The following UBE2S variants were observed in gnomAD, a reference collection of about 807,000 sequenced individuals.
UBE2S encodes the protein ubiquitin conjugating enzyme E2 S, also known as ubiquitin-conjugating enzyme E2 S.
A neutral mutation model predicts 12.3 loss-of-function variants in UBE2S; 3 were observed. The observed-to-expected ratio is 0.24, with a 90% CI of 0.11 to 0.63. The LOEUF (loss-of-function observed/expected upper bound fraction) is 0.63, where lower values mean the gene tolerates loss of function less well. UBE2S is among the 30% of genes least tolerant of loss of function. The pLI is 0.85. For missense variants in UBE2S, 211 were observed against 313.9 expected, an observed-to-expected ratio of 0.67 and a Z score of 2.48; for synonymous variants, 133 against 142.0, an observed-to-expected ratio of 0.94 and a Z score of 0.45.
chr19:55,407,536 C>T (rs760061870), intron 1 of UBE2S, 51 bp downstream of exon 1: 1 of 1,523,754 alleles, frequency 6.6e-7, no homozygotes, highest in East Asian at 2.8e-5. Flanking sequence ...TCCACCTCCT[C>T]CCTCAGGGAC....
In UBE2S at chr19:55,401,504, C is replaced by T; in HGVS notation, c.601G>A (p.Gly201Ser). ...GCCGCCAGCTTCTTATCGCGCTCGC[C>T]AGCATGCTTCTTGGCCATGGGACCC... ...AEGPMAKKHA[G>S]ERDKKLAAKK... Residue 201 changes from glycine to serine, a missense_variant, in exon 4 of 4, where the codon GGC (glycine) becomes AGC (serine). By Grantham distance (56) the Gly-to-Ser change is moderately conservative. Coordinates refer to ENST00000264552, the MANE Select transcript of UBE2S (RefSeq NM_014501.3). The T allele has an allele frequency of 6.2e-7, 1 of 1,610,034 alleles. No homozygotes were observed. The highest frequency in any genetic ancestry group is 8.5e-7 in the Non-Finnish European group (1 of 1,179,730).
At position 55,401,328 on chromosome 19, in the gene UBE2S, C is replaced by T. The variant is rs1245955746; in HGVS notation, c.*108G>A. Reference sequence around the variant, plus strand: ...GAAAAACAAATCCAGGTCCCAGTGCCCCCTGTACCCTCCCCGACCCCAGCC... The same window carrying T: ...GAAAAACAAATCCAGGTCCCAGTGCTCCCTGTACCCTCCCCGACCCCAGCC... On this transcript the variant is annotated 3_prime_UTR_variant, in exon 4 of 4. Transcript: ENST00000264552. 10 of 970,492 alleles carry T rather than the reference C, an allele frequency of 1.0e-5. No individual in the cohort carries two copies. The highest frequency in any genetic ancestry group is 1.5e-5 in the Non-Finnish European group (10 of 668,242). 60.1% of individuals were successfully genotyped at this position (970,492 alleles called of 1,614,324 possible). A position where few individuals can be genotyped will look rare whatever the true frequency, so the allele number is the denominator to read the frequency against.
chr19:55,403,041 C>A, intron 3 of UBE2S: 1 of 1,463,876 alleles, frequency 6.8e-7, no homozygotes, highest in Non-Finnish European at 9.3e-7. Context: ...CCAGGTCATT[C>A]TGTGTCATGG....
At position 55,404,142 on chromosome 19, in the gene UBE2S, G is replaced by T; in HGVS notation, c.342+146C>A. 9.1e-7 allele frequency: 1 copy of T among 1,097,900 alleles called. No individual in the cohort carries two copies. The highest frequency in any genetic ancestry group is 1.3e-6 in the Non-Finnish European group (1 of 768,016). 68.0% of individuals were successfully genotyped at this position (1,097,900 alleles called of 1,614,324 possible). A position where few individuals can be genotyped will look rare whatever the true frequency, so the allele number is the denominator to read the frequency against. On this transcript the variant is annotated intron_variant, in intron 3 of 3. Coordinates refer to ENST00000264552, the MANE Select transcript of UBE2S (RefSeq NM_014501.3). This position sits in a 1 kb window ranked among gnomAD's most constrained non-coding sequence, Gnocchi z 4.4. ...GGGTCTGGCACTGTTTGTCTTTCCAGGAAAGCTAGCAACATGGATTTTTAT... is the reference window on the plus strand; with the variant it reads ...GGGTCTGGCACTGTTTGTCTTTCCATGAAAGCTAGCAACATGGATTTTTAT...
intron 3 of UBE2S, chr19:55,403,357 T>C: frequency 6.2e-6 from 3 of 487,370 alleles, no homozygotes; most frequent in Non-Finnish European, 1.1e-5. Context: ...GGTATGGTGG[T>C]GCATGCGTGT....
At chr19:55,402,758 C>T (rs969273947) in intron 3 of UBE2S, among the ~76,000 whole-genome samples, 13 of 152,248 alleles carry the variant, frequency 8.5e-5, no homozygotes, top group Non-Finnish European at 1.3e-4. Flanking sequence ...GCCAATGTCC[C>T]CAGCAGCCTC....
At chr19:55,407,446 C>T in intron 1 of UBE2S, 141 bp downstream of exon 1, 2 of 928,298 alleles carry the variant, frequency 2.2e-6, no homozygotes, top group Non-Finnish European at 1.5e-6. Flanking sequence ...TGCGGGAAGG[C>T]CCTCGGGCCC....
intron 2 of UBE2S, among the ~76,000 whole-genome samples, chr19:55,405,196 G>A (rs1463588327): frequency 8.0e-6 from 1 of 124,720 alleles, no homozygotes; most frequent in Non-Finnish European, 1.6e-5. Context: ...GGCAACAAGA[G>A]CGAAACTCTG....
In UBE2S at chr19:55,407,754, C is replaced by A. The variant is rs1032453318; in HGVS notation, c.-165G>T. 3.7e-5 allele frequency: 16 copies of A among 434,218 alleles called. No individual in the cohort carries two copies. The highest frequency in any genetic ancestry group is 1.7e-4 in the African/African-American group (8 of 48,476). 26.9% of individuals were successfully genotyped at this position (434,218 alleles called of 1,614,324 possible). ...GACGTCCGCCGCGCACAGCGTAGACCAACCCGCCGCCCCGGTGCCCGGCAG... is the reference window on the plus strand; with the variant it reads ...GACGTCCGCCGCGCACAGCGTAGACAAACCCGCCGCCCCGGTGCCCGGCAG... On this transcript the variant is annotated 5_prime_UTR_variant, in exon 1 of 4. Coordinates refer to ENST00000264552, the MANE Select transcript of UBE2S (RefSeq NM_014501.3).
chr19:55,399,805 C>G lies in UBE2S; in HGVS notation c.*1631G>C, dbSNP rs570607995. On this transcript the variant is annotated 3_prime_UTR_variant, in exon 4 of 4. Coordinates refer to ENST00000264552, the MANE Select transcript of UBE2S (RefSeq NM_014501.3). ...AAATTATTTCAGTGGGTTCCGAGGCCCAGGATGCAGGCACCTTCCTTCAGC... is the reference window on the plus strand; with the variant it reads ...AAATTATTTCAGTGGGTTCCGAGGCGCAGGATGCAGGCACCTTCCTTCAGC... 1 of 152,262 alleles carries G rather than the reference C, an allele frequency of 6.6e-6. No homozygotes were observed. Among genetic ancestry groups the G allele is most frequent in the Non-Finnish European group, 1.5e-5 (1 of 68,026 alleles). 9.4% of individuals were successfully genotyped at this position (152,262 alleles called of 1,614,324 possible).
chr19:55,401,201 C>A lies in UBE2S; in HGVS notation c.*235G>T. The A allele has an allele frequency of 3.4e-6, 2 of 589,820 alleles. No homozygotes were observed. The highest frequency in any genetic ancestry group is 6.0e-6 in the Non-Finnish European group (2 of 335,474). 36.5% of individuals were successfully genotyped at this position (589,820 alleles called of 1,614,324 possible). On this transcript the variant is annotated 3_prime_UTR_variant, in exon 4 of 4. Coordinates refer to ENST00000264552, the MANE Select transcript of UBE2S (RefSeq NM_014501.3). ...CAGTCCATGAGGCTTTACAAGGACCCAGGGCCTGTGCAGGGGAGCCAAACT... is the reference window on the plus strand; with the variant it reads ...CAGTCCATGAGGCTTTACAAGGACCAAGGGCCTGTGCAGGGGAGCCAAACT...
At position 55,404,729 on chromosome 19, in the gene UBE2S, C is replaced by T. The variant is rs895316623; in HGVS notation, c.152-251G>A. Among the ~76,000 whole-genome samples the T allele has an allele frequency of 2.6e-5, 4 of 152,210 alleles. No homozygotes were observed. Among genetic ancestry groups the T allele is most frequent in the African/African-American group, 9.6e-5 (4 of 41,462 alleles). ...TGGGCTCAGGTGATCCCATCTCAGC[C>T]TGCCAAGTAGCTGGGATTACGGGCA... On this transcript the variant is annotated intron_variant, in intron 2 of 3. Transcript: ENST00000264552. The surrounding 1 kb of genome is among the most constrained non-coding windows in gnomAD (Gnocchi z 4.4).
chr19:55,407,755 A>C lies in UBE2S; in HGVS notation c.-166T>G. On this transcript the variant is annotated 5_prime_UTR_variant, in exon 1 of 4. Transcript: ENST00000264552. ...ACGTCCGCCGCGCACAGCGTAGACC[A>C]ACCCGCCGCCCCGGTGCCCGGCAGC... 2 of 433,832 alleles carry C rather than the reference A, an allele frequency of 4.6e-6. No individual in the cohort carries two copies. The highest frequency in any genetic ancestry group is 7.4e-6 in the Non-Finnish European group (2 of 270,928). 26.9% of individuals were successfully genotyped at this position (433,832 alleles called of 1,614,324 possible).
intron 2 of UBE2S, among the ~76,000 whole-genome samples, chr19:55,406,494 C>T (rs555385250): frequency 6.6e-6 from 1 of 152,298 alleles, no homozygotes; most frequent in African/African-American, 2.4e-5. Context: ...CTTGCTGACA[C>T]CATTCCCACC....
Position 55,407,609 on chromosome 19 carries a change from C to T in UBE2S, c.-20G>A, listed in dbSNP as rs1170676354. The stretch of plus-strand genomic sequence containing the variant: ...CACCATGGCTGCGGCCGGCCGGGGG[C>T]GGGTCCCCCCGGCCCCCTTCCTGCG... On this transcript the variant is annotated 5_prime_UTR_variant, in exon 1 of 4. Coordinates refer to ENST00000264552, the MANE Select transcript of UBE2S (RefSeq NM_014501.3). 6.4e-6 allele frequency: 9 copies of T among 1,398,978 alleles called. No homozygotes were observed. Among genetic ancestry groups the T allele is most frequent in the Non-Finnish European group, 8.3e-6 (9 of 1,079,368 alleles). 86.7% of individuals were successfully genotyped at this position (1,398,978 alleles called of 1,614,324 possible).
chr19:55,406,391 C>T (rs931989128), intron 2 of UBE2S, among the ~76,000 whole-genome samples: 6 of 152,164 alleles, frequency 3.9e-5, no homozygotes, highest in Admixed American at 2.0e-4. Context: ...ATTCATGACC[C>T]GTCTCCCCAC....
intron 3 of UBE2S, among the ~76,000 whole-genome samples, chr19:55,402,469 G>A (rs1038404726): frequency 2.0e-5 from 3 of 152,206 alleles, no homozygotes; most frequent in Non-Finnish European, 2.9e-5. Flanking sequence ...GTGCAGAGGT[G>A]TGACCTGCAG....
At chr19:55,406,591 A>G (rs962217037) in intron 2 of UBE2S, among the ~76,000 whole-genome samples, 2 of 152,170 alleles carry the variant, frequency 1.3e-5, no homozygotes, top group Non-Finnish European at 1.5e-5. Flanking sequence ...CTTCAAATCT[A>G]GAGTACCGTC....
chr19:55,403,065 G>A (rs974286661), intron 3 of UBE2S: 10 of 1,353,266 alleles, frequency 7.4e-6, no homozygotes, highest in African/African-American at 1.4e-5. Flanking sequence ...CATCTCGTAC[G>A]CTGCAGGATT....
Sources: gnomAD v4.1 joint callset for allele counts (sites outside exome capture counted in the v4.1 genomes callset) on GRCh38, gnomAD v4.1.1 for gene constraint, Gnocchi (gnomAD v3.1) non-coding constraint, MANE v1.5 for transcripts, NCBI Gene and HGNC (gene_info 2026-07-23, HGNC 2026-07-21) for gene names.